G2E3: variants seen among roughly 807,000 people sequenced by gnomAD.
G2E3 encodes G2/M phase-specific E3 ubiquitin-protein ligase.
G2E3 carries 35 observed loss-of-function variants against 92.8 expected under a neutral mutation model. The ratio of observed to expected loss-of-function variants is 0.38; its 90% CI spans 0.29 to 0.50. G2E3 has a LOEUF of 0.50. Among genes scored for constraint, G2E3 ranks in the 20% least tolerant of loss-of-function variants. The pLI, the probability that G2E3 is intolerant of heterozygous loss-of-function variation, is 0.94. For synonymous variants in G2E3, 242 were observed against 272.4 expected (o/e 0.89, Z 1.10); for missense variants, 554 against 823.8 (o/e 0.67, Z 4.01).
rs946639793 is a variant in G2E3 at position 30,594,532 on chromosome 14, A to G, written c.528+893A>G. ...GTGAAACCCCGTCTCTACTAAAAAT[A>G]CAAAAAAAAAATTAGCCGGGCATGG... On this transcript the variant is annotated intron_variant, in intron 6 of 14. Coordinates refer to ENST00000206595, the MANE Select transcript of G2E3 (RefSeq NM_017769.5). Among the ~76,000 whole-genome samples, 4 of 151,954 alleles carry G rather than the reference A, an allele frequency of 2.6e-5. No individual in the cohort carries two copies. In the East Asian group the frequency reaches 7.8e-4, roughly 30 times the overall value.
intron 1 of G2E3, among the ~76,000 whole-genome samples, chr14:30,568,097 T>C (rs531573144): frequency 2.0e-5 from 3 of 152,222 alleles, no homozygotes; most frequent in South Asian, 2.1e-4. Context: ...GGGGCTCTTA[T>C]TAGGTGGGTT....
At position 30,586,755 on chromosome 14, in the gene G2E3, T is replaced by C. The variant is rs774959349; in HGVS notation, c.75T>C (p.Asn25=). 6.9e-7 allele frequency: 1 copy of C among 1,448,986 alleles called. No homozygotes were observed. Among genetic ancestry groups the C allele is most frequent in the Non-Finnish European group, 9.4e-7 (1 of 1,061,332 alleles). The allele number at this position is 1,448,986 out of a possible 1,614,324, so 89.8% of individuals were successfully genotyped here. A position where few individuals can be genotyped will look rare whatever the true frequency, so the allele number is the denominator to read the frequency against. ...VFCRKHDDCP[N]KYGEKKTKEK... is the part of the protein sequence containing the mutation. ...GTCGAAAACATGATGACTGTCCTAA[T>C]AAATACGGAGAAAAGAAAACTAAGG... The change falls in exon 3 of 15, where the codon AAT becomes AAC. Residue 25 remains asparagine, a synonymous_variant. Transcript: ENST00000206595.
At chr14:30,597,628 G>A (rs1881353025) in intron 7 of G2E3, 102 bp downstream of exon 7, 1 of 706,290 alleles carries the variant, frequency 1.4e-6, no homozygotes, top group Non-Finnish European at 2.5e-6. Flanking sequence ...AGCATGGACA[G>A]GTAGCCATTT....
intron 2 of G2E3, among the ~76,000 whole-genome samples, chr14:30,583,328 C>G (rs967380525): frequency 3.9e-5 from 6 of 152,174 alleles, no homozygotes; most frequent in African/African-American, 1.4e-4. Context: ...TATACACTGT[C>G]TTAGTCCTCA....
chr14:30,564,366 C>CT (rs1174021274), intron 1 of G2E3, among the ~76,000 whole-genome samples: 1 of 152,140 alleles, frequency 6.6e-6, no homozygotes, highest in African/African-American at 2.4e-5. Context: ...GACAAGATCT[C>CT]TGTCACCCAA....
At chr14:30,615,744 T>G (rs1257363631) in intron 14 of G2E3, among the ~76,000 whole-genome samples, 1 of 152,160 alleles carries the variant, frequency 6.6e-6, no homozygotes, top group Non-Finnish European at 1.5e-5. Flanking sequence ...AATTTATATT[T>G]TGTAATTTTT....
At chr14:30,596,235 C>G (rs556373125) in intron 6 of G2E3, among the ~76,000 whole-genome samples, 2 of 151,966 alleles carry the variant, frequency 1.3e-5, no homozygotes, top group African/African-American at 2.4e-5. Flanking sequence ...AAATCATTCC[C>G]CAAGTGTAAT....
intron 12 of G2E3, chr14:30,611,505 A>G (rs1353243943): frequency 6.6e-6 from 1 of 152,228 alleles, no homozygotes; most frequent in East Asian, 1.9e-4. Flanking sequence ...AGTGTCTTGC[A>G]CATAAATGGC....
At chr14:30,586,927 A>G (rs1880742830) in intron 3 of G2E3, 112 bp downstream of exon 3, 2 of 417,200 alleles carry the variant, frequency 4.8e-6, no homozygotes. Context: ...TCCAGATCTC[A>G]TTTTGTCTAT....
chr14:30,583,584 A>T (rs760432783), intron 2 of G2E3, among the ~76,000 whole-genome samples: 6 of 152,356 alleles, frequency 3.9e-5, no homozygotes, highest in Admixed American at 6.5e-5. Context: ...TAAGTTCAAG[A>T]GATCTGTTGT....
chr14:30,578,386 T>A (rs1880235509), intron 1 of G2E3, among the ~76,000 whole-genome samples: 1 of 152,170 alleles, frequency 6.6e-6, no homozygotes, highest in South Asian at 2.1e-4. Context: ...GTGTTATTCT[T>A]TGTCTCATCC....
rs766604409 is a variant in G2E3, at chr14:30,612,324, G to T, written c.1618G>T (p.Val540Leu). The T allele has an allele frequency of 6.2e-7, 1 of 1,607,456 alleles. No homozygotes were observed. ...ITTLSDKYML[V>L]KDILGYHVIQ... ...GACATTAAGTGATAAATATATGTTA[G>T]TAAAAGACATACTTGGCTACCATGT... is the stretch of plus-strand genomic sequence containing the variant. Residue 540 changes from valine to leucine, a missense_variant, in exon 13 of 15, where the codon GTA becomes TTA. This residue lies in a region of G2E3 where 397 missense variants were observed against 560.3 expected (regional missense o/e 0.71). Coordinates refer to ENST00000206595, the MANE Select transcript of G2E3 (RefSeq NM_017769.5).
chr14:30,571,499 T>G (rs932797763), intron 1 of G2E3, among the ~76,000 whole-genome samples: 5 of 152,114 alleles, frequency 3.3e-5, no homozygotes, highest in Non-Finnish European at 5.9e-5. Context: ...TTCAGTTTCC[T>G]AAGAAATCTT....
At chr14:30,574,917 T>A (rs1170792650) in intron 1 of G2E3, among the ~76,000 whole-genome samples, 1 of 152,198 alleles carries the variant, frequency 6.6e-6, no homozygotes, top group African/African-American at 2.4e-5. Flanking sequence ...GTAGAATGAT[T>A]TATAGTCCTC....
At chr14:30,581,967 A>G (rs1033576617) in intron 2 of G2E3, among the ~76,000 whole-genome samples, 1 of 152,156 alleles carries the variant, frequency 6.6e-6, no homozygotes, top group African/African-American at 2.4e-5. Context: ...TTACAACTCT[A>G]TATCTTGATC....
chr14:30,612,437 T>G, intron 13 of G2E3, 58 bp downstream of exon 13: 1 of 1,037,572 alleles, frequency 9.6e-7, no homozygotes, highest in Non-Finnish European at 1.4e-6. Flanking sequence ...AGTGGTTAAT[T>G]ATCTTGTAAT....
At chr14:30,592,533 A>G in intron 5 of G2E3, 86 bp downstream of exon 5, 1 of 1,059,720 alleles carries the variant, frequency 9.4e-7, no homozygotes, top group Middle Eastern at 2.1e-4. Context: ...ACTACAATAA[A>G]TTTTCTGTTT....
Position 30,602,081 on chromosome 14 carries a change from A to T in G2E3, c.960A>T (p.Ser320=). Residue 320 remains serine (S), a synonymous_variant, in exon 10 of 15, where the codon TCA becomes TCT. Transcript: ENST00000206595. ...GITDCLLEES[S]PKLPRQSPGS... Reference sequence around the variant, plus strand: ...CAGATTGTTTGTTGGAAGAGTCATCACCTAAATTACCCAGACAGTCACCTG... The same window carrying T: ...CAGATTGTTTGTTGGAAGAGTCATCTCCTAAATTACCCAGACAGTCACCTG... 6.2e-7 allele frequency: 1 copy of T among 1,610,918 alleles called. No individual in the cohort carries two copies. Among genetic ancestry groups the T allele is most frequent in the Non-Finnish European group, 8.5e-7 (1 of 1,177,232 alleles).
chr14:30,588,350 G>A (rs549927660), intron 3 of G2E3, among the ~76,000 whole-genome samples: 1 of 146,414 alleles, frequency 6.8e-6, no homozygotes, highest in African/African-American at 2.8e-5. Context: ...GTGTCTGCAG[G>A]TTATGTTTTC....
Sources: allele counts gnomAD v4.1 joint callset (sites outside exome capture counted in the v4.1 genomes callset), GRCh38; gene constraint gnomAD v4.1.1; regional missense constraint gnomAD v4.1.1; transcripts MANE v1.5; gene names NCBI Gene and HGNC (gene_info 2026-07-23, HGNC 2026-07-21).